The following GSPT1 variants were observed in gnomAD, a reference collection of about 807,000 sequenced individuals.
GSPT1 encodes the protein eukaryotic peptide chain release factor GTP-binding subunit ERF3A.
GSPT1 carries 20 observed loss-of-function variants against 72.5 expected under a neutral mutation model. That is an observed-to-expected ratio of 0.28 (90% CI 0.19 to 0.40). GSPT1 has a LOEUF of 0.40. GSPT1 is among the 10% of genes least tolerant of loss of function. GSPT1 has a pLI of 1.00. For missense variants in GSPT1, 580 were observed against 811.9 expected, an observed-to-expected ratio of 0.71 and a Z score of 3.47; for synonymous variants, 334 against 293.5, an observed-to-expected ratio of 1.14 and a Z score of -1.41.
At chr16:11,910,287 G>T (rs1239934023) in intron 1 of GSPT1, among the ~76,000 whole-genome samples, 1 of 152,138 alleles carries the variant, frequency 6.6e-6, no homozygotes, top group Non-Finnish European at 1.5e-5. Context: ...GTAAGGGATT[G>T]CTGTTCTCGG....
chr16:11,915,235 C>G (rs1452798139), intron 1 of GSPT1, 134 bp downstream of exon 1: 7 of 1,157,416 alleles, frequency 6.0e-6, no homozygotes, highest in Non-Finnish European at 6.4e-6. Flanking sequence ...GGGCGCCCCA[C>G]CCAGGCAGAC....
upstream of GSPT1, among the ~76,000 whole-genome samples, chr16:11,916,539 G>C (rs2054639643): frequency 6.6e-6 from 1 of 152,174 alleles, no homozygotes; most frequent in Non-Finnish European, 1.5e-5. Flanking sequence ...CCCCCAGCCA[G>C]ATTTTGCCCT....
chr16:11,912,672 TA>T (rs201986326), intron 1 of GSPT1, among the ~76,000 whole-genome samples: 1 of 151,992 alleles, frequency 6.6e-6, no homozygotes, highest in Non-Finnish European at 1.5e-5. Flanking sequence ...TATCTAACAA[TA>T]AAAAAAACTA....
At position 11,896,711 on chromosome 16, in the gene GSPT1, C is replaced by G. The variant is rs564427932; in HGVS notation, c.511G>C (p.Gly171Arg). The G allele has an allele frequency of 9.3e-6, 15 of 1,607,068 alleles. No homozygotes were observed. In the East Asian group the frequency reaches 2.7e-4, roughly 29 times the overall value. The change falls in exon 4 of 15, where the codon GGG becomes CGG. Residue 171 changes from glycine to arginine, a missense_variant. Coordinates refer to ENST00000434724, the MANE Select transcript of GSPT1 (RefSeq NM_002094.4). ...HKEEISEAEPGGGSLGDGRPP... is the reference protein window; with the variant it reads ...HKEEISEAEPRGGSLGDGRPP... ...CTTCCATCTCCCAAGGAACCACCCC[C>G]TGGCTCTGCTTCACTTATTTCTTCT...
intron 14 of GSPT1, among the ~76,000 whole-genome samples, chr16:11,873,637 G>C (rs1424252496): frequency 6.6e-6 from 1 of 151,938 alleles, no homozygotes; most frequent in South Asian, 2.1e-4. Context: ...ACCCAGGCTG[G>C]AGTGCAGTGG....
chr16:11,889,322 T>C (rs1390562718), intron 6 of GSPT1, among the ~76,000 whole-genome samples: 4 of 127,098 alleles, frequency 3.1e-5, no homozygotes, highest in African/African-American at 3.0e-5. Flanking sequence ...CCCCCACCCC[T>C]CTTCTTCTTT....
At chr16:11,907,229 T>C (rs1206090300) in intron 1 of GSPT1, among the ~76,000 whole-genome samples, 1 of 152,182 alleles carries the variant, frequency 6.6e-6, no homozygotes, top group Non-Finnish European at 1.5e-5. Context: ...ACAGGTCCAG[T>C]TTCTGGAGAG....
At position 11,871,099 on chromosome 16, in the gene GSPT1, A is replaced by G. The variant is rs1464759075; in HGVS notation, c.*2020T>C. 1.3e-5 allele frequency: 2 copies of G among 152,238 alleles called. No homozygotes were observed. The highest frequency in any genetic ancestry group is 6.5e-5 in the Admixed American group (1 of 15,286). The allele number at this position is 152,238 out of a possible 1,614,324, so 9.4% of individuals were successfully genotyped here. ...CAAAAAGAACTATTATGTTTTGATT[A>G]AAGCTCCTATATTTTCCAGAAAAAT... On this transcript the variant is annotated 3_prime_UTR_variant, in exon 15 of 15. Coordinates refer to ENST00000434724, the MANE Select transcript of GSPT1 (RefSeq NM_002094.4).
At chr16:11,887,110 G>A (rs2141287000) in intron 7 of GSPT1, 179 bp from the exon 8 acceptor site, 1 of 549,174 alleles carries the variant, frequency 1.8e-6, no homozygotes, top group East Asian at 3.0e-5. Context: ...ATGTCTAGAT[G>A]CTTCCAATCC....
rs1304088222 is a variant in GSPT1, at chr16:11,877,955, GTCT to G, written c.1429-378_1429-376del. On this transcript the variant is annotated intron_variant, in intron 11 of 14. Coordinates refer to ENST00000434724, the MANE Select transcript of GSPT1 (RefSeq NM_002094.4). This position sits in a 1 kb window ranked among gnomAD's most constrained non-coding sequence, Gnocchi z 4.0. Reference sequence around the variant, plus strand: ...ATTCTATGAAGGATTTAATAAACCTGTCTTCTATTACCTATCAATCTCCAAATA... The same window carrying G: ...ATTCTATGAAGGATTTAATAAACCTGTCTATTACCTATCAATCTCCAAATA... Among the ~76,000 whole-genome samples, 2 of 152,004 alleles carry G rather than the reference GTCT, an allele frequency of 1.3e-5. No individual in the cohort carries two copies. Among genetic ancestry groups the G allele is most frequent in the Non-Finnish European group, 2.9e-5 (2 of 68,014 alleles).
chr16:11,901,700 G>C (rs2150882078), intron 1 of GSPT1, among the ~76,000 whole-genome samples: 1 of 151,930 alleles, frequency 6.6e-6, no homozygotes, highest in Middle Eastern at 3.4e-3. Context: ...ACTGAGGCAG[G>C]AGAATCGCTT....
intron 7 of GSPT1, 97 bp downstream of exon 7, chr16:11,887,473 C>T: frequency 2.1e-6 from 2 of 965,710 alleles, no homozygotes; most frequent in Non-Finnish European, 1.6e-6. Flanking sequence ...TATTTCACTG[C>T]AACCTGAATT....
At chr16:11,894,057 G>A (rs913036405) in intron 5 of GSPT1, among the ~76,000 whole-genome samples, 1 of 149,456 alleles carries the variant, frequency 6.7e-6, no homozygotes, top group Non-Finnish European at 1.5e-5. Context: ...TTGGGAGGCT[G>A]AGGTGGAAGG....
intron 11 of GSPT1, among the ~76,000 whole-genome samples, chr16:11,878,479 G>A (rs531025674): frequency 2.6e-5 from 4 of 151,720 alleles, no homozygotes; most frequent in South Asian, 2.1e-4. Flanking sequence ...CTTTAGCCCC[G>A]CTACTTGGAA....
chr16:11,891,664 ATTT>A (rs766124475), intron 5 of GSPT1, among the ~76,000 whole-genome samples: 2 of 124,482 alleles, frequency 1.6e-5, no homozygotes, highest in Non-Finnish European at 1.7e-5. Context: ...GCCTGGCCAT[ATTT>A]TTTTTTTTTT....
At chr16:11,893,436 A>C (rs1314289176) in intron 5 of GSPT1, among the ~76,000 whole-genome samples, 1 of 152,152 alleles carries the variant, frequency 6.6e-6, no homozygotes, top group African/African-American at 2.4e-5. Context: ...AGTAAATTTA[A>C]AAATAAAATA....
chr16:11,880,922 G>A (rs1218556314), intron 11 of GSPT1, among the ~76,000 whole-genome samples: 3 of 152,040 alleles, frequency 2.0e-5, no homozygotes, highest in East Asian at 3.9e-4. Context: ...TATTTGAGAC[G>A]GAGTCTCGCA....
intron 14 of GSPT1, among the ~76,000 whole-genome samples, chr16:11,874,615 T>C (rs2054017801): frequency 6.6e-6 from 1 of 152,118 alleles, no homozygotes. Context: ...TTTGTTATAT[T>C]AATAAGATAA....
intron 1 of GSPT1, among the ~76,000 whole-genome samples, chr16:11,904,550 AT>A (rs886512031): frequency 1.4e-4 from 21 of 151,378 alleles, no homozygotes; most frequent in Non-Finnish European, 2.8e-4. Context: ...AGAGTGTACA[AT>A]TTTTTTTTAA....
Sources: gnomAD v4.1 joint callset for allele counts (sites outside exome capture counted in the v4.1 genomes callset) on GRCh38, gnomAD v4.1.1 for gene constraint, Gnocchi (gnomAD v3.1) non-coding constraint, MANE v1.5 for transcripts, NCBI Gene and HGNC (gene_info 2026-07-23, HGNC 2026-07-21) for gene names.